Variants in STAC observed in about 807,000 individuals in gnomAD.
The protein encoded by STAC is SH3 and cysteine-rich domain-containing protein.
Under a neutral mutation model 48.8 loss-of-function variants are expected in STAC, and 43 were observed. The observed-to-expected ratio is 0.88, with a 90% CI of 0.69 to 1.14. The LOEUF (loss-of-function observed/expected upper bound fraction) is 1.14. STAC is among the 50% of genes most tolerant of loss of function. The pLI is 0.00. For synonymous variants in STAC, 193 were observed against 179.5 expected (o/e 1.07, Z -0.60); for missense variants, 497 against 504.0 (o/e 0.99, Z 0.13).
At chr3:36,499,808 G>C (rs545397008) in intron 6 of STAC, among the ~76,000 whole-genome samples, 1 of 151,188 alleles carries the variant, frequency 6.6e-6, no homozygotes, top group African/African-American at 2.4e-5. Context: ...AACATAGGCA[G>C]AATAAATAAC....
At chr3:36,439,971 C>CAG (rs1696293410) in intron 1 of STAC, among the ~76,000 whole-genome samples, 1 of 152,230 alleles carries the variant, frequency 6.6e-6, no homozygotes, top group Non-Finnish European at 1.5e-5. Context: ...AGTTCTGACT[C>CAG]CTCTGTTAGT....
intron 8 of STAC, among the ~76,000 whole-genome samples, chr3:36,512,241 C>T (rs139399328): frequency 2.2e-4 from 33 of 152,184 alleles, no homozygotes; most frequent in Non-Finnish European, 4.3e-4. Context: ...GAGGAGGAGA[C>T]GGGCTTTATC....
chr3:36,398,370 A>AG (rs1699911177), intron 1 of STAC, among the ~76,000 whole-genome samples: 3 of 147,472 alleles, frequency 2.0e-5, no homozygotes, highest in South Asian at 2.2e-4. Flanking sequence ...AAAGAAAGAA[A>AG]AGAAAGAGAG....
At chr3:36,398,763 C>T (rs1699941909) in intron 1 of STAC, among the ~76,000 whole-genome samples, 1 of 151,962 alleles carries the variant, frequency 6.6e-6, no homozygotes, top group Non-Finnish European at 1.5e-5. Context: ...AAACAGTCAC[C>T]CATCAGATCA....
At chr3:36,524,322 G>A (rs1312490799) in intron 8 of STAC, among the ~76,000 whole-genome samples, 4 of 152,202 alleles carry the variant, frequency 2.6e-5, no homozygotes, top group South Asian at 2.1e-4. Context: ...GGCCAGGCGC[G>A]GTGGCTCACG....
intron 4 of STAC, 113 bp downstream of exon 4, chr3:36,485,171 G>C: frequency 1.2e-6 from 1 of 811,730 alleles, no homozygotes; most frequent in South Asian, 2.4e-5. Flanking sequence ...GTGTTTGTTT[G>C]GTGGCTATTT....
chr3:36,388,512 T>C (rs1398627288), intron 1 of STAC, among the ~76,000 whole-genome samples: 13 of 152,062 alleles, frequency 8.5e-5, no homozygotes, highest in Non-Finnish European at 2.9e-5. Context: ...TTTATTTAGC[T>C]ATGTTTTCTT....
intron 2 of STAC, among the ~76,000 whole-genome samples, chr3:36,482,110 A>G (rs1269257412): frequency 1.3e-5 from 2 of 152,288 alleles, no homozygotes; most frequent in African/African-American, 2.4e-5. Flanking sequence ...GGAACCTACC[A>G]TCTTACTTTG....
At chr3:36,518,590 T>G (rs1420915418) in intron 8 of STAC, among the ~76,000 whole-genome samples, 2 of 152,184 alleles carry the variant, frequency 1.3e-5, no homozygotes, top group Non-Finnish European at 2.9e-5. Context: ...TAACGCCAAG[T>G]GCAAATTTAG....
intron 1 of STAC, among the ~76,000 whole-genome samples, chr3:36,409,052 T>C (rs940097697): frequency 1.3e-5 from 2 of 152,182 alleles, no homozygotes; most frequent in Non-Finnish European, 2.9e-5. Flanking sequence ...AGCAACAAAG[T>C]AGACAGAAGC....
At chr3:36,433,808 T>C (rs2125655881) in intron 1 of STAC, among the ~76,000 whole-genome samples, 1 of 152,340 alleles carries the variant, frequency 6.6e-6, no homozygotes, top group Non-Finnish European at 1.5e-5. Context: ...ATTTCAGCAG[T>C]GGCAGAGCAT....
intron 1 of STAC, among the ~76,000 whole-genome samples, chr3:36,411,875 A>G (rs912205095): frequency 1.3e-5 from 2 of 152,170 alleles, no homozygotes; most frequent in Non-Finnish European, 2.9e-5. Flanking sequence ...TCTGAGTCTC[A>G]GTCTCCTGAT....
intron 2 of STAC, among the ~76,000 whole-genome samples, chr3:36,453,588 C>G (rs113182028): frequency 0.035 from 5,046 of 145,584 alleles, 253 homozygotes; most frequent in Non-Finnish European, 0.045. Flanking sequence ...CCTCCCACCC[C>G]CTCCGTGGGT....
At position 36,519,283 on chromosome 3, in the gene STAC, AC is replaced by A. The variant is rs1478718513; in HGVS notation, c.921-9412del. Among the ~76,000 whole-genome samples, 9 of 152,354 alleles carry A rather than the reference AC, an allele frequency of 5.9e-5. No homozygotes were observed. The East Asian group carries it at 1.7e-3, about 29-fold the overall frequency. On this transcript the variant is annotated intron_variant, in intron 8 of 10. Coordinates refer to ENST00000273183, the MANE Select transcript of STAC (RefSeq NM_003149.3). ...CTTGATTCTGAAAGACTGCCTTAAA[AC>A]TTGGCAATGCTTAGTGAATGGACGC...
intron 8 of STAC, among the ~76,000 whole-genome samples, chr3:36,519,298 G>A (rs1429648304): frequency 6.6e-6 from 1 of 152,226 alleles, no homozygotes; most frequent in Non-Finnish European, 1.5e-5. Context: ...GCAATGCTTA[G>A]TGAATGGACG....
At chr3:36,485,180 T>G in intron 4 of STAC, 122 bp downstream of exon 4, 1 of 728,126 alleles carries the variant, frequency 1.4e-6, no homozygotes, top group Non-Finnish European at 2.2e-6. Flanking sequence ...TGGTGGCTAT[T>G]TGGGGTATGA....
chr3:36,469,735 C>T (rs115176370), intron 2 of STAC, among the ~76,000 whole-genome samples: 248 of 152,206 alleles, frequency 1.6e-3, no homozygotes, highest in African/African-American at 5.8e-3. Flanking sequence ...TTGGATGTCC[C>T]AAACTTCTTG....
intron 2 of STAC, among the ~76,000 whole-genome samples, chr3:36,475,863 T>C (rs1697479538): frequency 6.6e-6 from 1 of 152,196 alleles, no homozygotes; most frequent in Non-Finnish European, 1.5e-5. Context: ...GCCAGCATCC[T>C]AGGTCAGGCA....
At chr3:36,452,200 C>T (rs989492000) in intron 2 of STAC, among the ~76,000 whole-genome samples, 1 of 152,188 alleles carries the variant, frequency 6.6e-6, no homozygotes, top group Non-Finnish European at 1.5e-5. Context: ...TTTTGCTTCC[C>T]TATACCCCAC....
Sources: gnomAD v4.1 joint callset for allele counts (sites outside exome capture counted in the v4.1 genomes callset) on GRCh38, gnomAD v4.1.1 for gene constraint, MANE v1.5 for transcripts, NCBI Gene and HGNC (gene_info 2026-07-23, HGNC 2026-07-21) for gene names.